FSTL5: variants seen among roughly 807,000 people sequenced by gnomAD.
FSTL5 encodes the protein follistatin-related protein 5.
Under a neutral mutation model 89.1 loss-of-function variants are expected in FSTL5, and 62 were observed. The observed-to-expected ratio is 0.70, with a 90% CI of 0.57 to 0.86. The LOEUF is 0.86. FSTL5 is among the 40% of genes least tolerant of loss of function. FSTL5 has a pLI of 0.00. For synonymous variants in FSTL5, 383 were observed against 346.2 expected (o/e 1.11, Z -1.18); for missense variants, 1,057 against 1,001.6 (o/e 1.06, Z -0.75).
chr4:161,890,252 T>A (rs1732943412), intron 4 of FSTL5, among the ~76,000 whole-genome samples: 1 of 152,130 alleles, frequency 6.6e-6, no homozygotes, highest in African/African-American at 2.4e-5. Flanking sequence ...GATTAAACGT[T>A]GGGTTGATGG....
intron 1 of FSTL5, among the ~76,000 whole-genome samples, chr4:162,128,863 A>C (rs780605568): frequency 2.0e-5 from 3 of 151,982 alleles, no homozygotes; most frequent in Non-Finnish European, 4.4e-5. Flanking sequence ...TATTGGTCAC[A>C]TATTGGCAGC....
chr4:161,921,514 T>C (rs1002623510), intron 3 of FSTL5, among the ~76,000 whole-genome samples: 8 of 152,092 alleles, frequency 5.3e-5, no homozygotes, highest in Non-Finnish European at 8.8e-5. Flanking sequence ...TAGATACACA[T>C]AGATATGTAT....
intron 1 of FSTL5, among the ~76,000 whole-genome samples, chr4:162,112,094 C>T (rs1731466648): frequency 6.6e-6 from 1 of 152,128 alleles, no homozygotes; most frequent in Non-Finnish European, 1.5e-5. Context: ...TGTATAAATA[C>T]TAAGTCCTTT....
At chr4:162,121,324 C>G (rs1392510875) in intron 1 of FSTL5, among the ~76,000 whole-genome samples, 2 of 151,826 alleles carry the variant, frequency 1.3e-5, no homozygotes, top group Non-Finnish European at 2.9e-5. Flanking sequence ...ACTAATATCT[C>G]AAATTTAGGT....
chr4:161,496,308 A>T (rs539136020), intron 12 of FSTL5, among the ~76,000 whole-genome samples: 1 of 152,268 alleles, frequency 6.6e-6, no homozygotes, highest in African/African-American at 2.4e-5. Context: ...TGGTTGATTT[A>T]TATGTCAGCA....
intron 15 of FSTL5, among the ~76,000 whole-genome samples, chr4:161,394,821 A>T (rs193163276): frequency 6.6e-6 from 1 of 152,284 alleles, no homozygotes; most frequent in Non-Finnish European, 1.5e-5. Flanking sequence ...GATATGTGCA[A>T]ATTAGGGAAA....
intron 8 of FSTL5, among the ~76,000 whole-genome samples, chr4:161,569,963 G>A (rs3922372): frequency 0.019 from 2,874 of 152,234 alleles, 84 homozygotes; most frequent in African/African-American, 0.065. Flanking sequence ...GAATGGATAC[G>A]TCAAAGCTTT....
chr4:161,620,664 A>G (rs1735090298), intron 7 of FSTL5, among the ~76,000 whole-genome samples: 1 of 152,098 alleles, frequency 6.6e-6, no homozygotes, highest in Non-Finnish European at 1.5e-5. Context: ...CTCAAAAACA[A>G]AAACAAAAAC....
chr4:161,929,685 G>GTGTGTGTGTGTGTGTGTGTGTATA (rs1734231696), intron 3 of FSTL5, among the ~76,000 whole-genome samples: 2 of 149,088 alleles, frequency 1.3e-5, no homozygotes, highest in African/African-American at 5.0e-5. Flanking sequence ...GTGTGTGTGT[G>GTGTGTGTGTGTGTGTGTGTGTATA]TGTGTGTGTG....
intron 13 of FSTL5, among the ~76,000 whole-genome samples, chr4:161,471,048 T>G (rs1733918066): frequency 1.3e-5 from 2 of 152,226 alleles, no homozygotes. Context: ...TTATTCCTTT[T>G]TAACTTGGAA....
intron 12 of FSTL5, among the ~76,000 whole-genome samples, chr4:161,486,172 A>G (rs1237090807): frequency 6.6e-6 from 1 of 151,254 alleles, no homozygotes; most frequent in Non-Finnish European, 1.5e-5. Context: ...AAAAGTAAAT[A>G]TCTGGTTCTC....
chr4:162,062,251 G>A (rs371204084), intron 2 of FSTL5, among the ~76,000 whole-genome samples: 6 of 151,784 alleles, frequency 4.0e-5, no homozygotes, highest in East Asian at 3.9e-4. Flanking sequence ...ACTCTTTTTC[G>A]TAGGATAGAT....
intron 7 of FSTL5, among the ~76,000 whole-genome samples, chr4:161,620,970 T>G (rs1735100411): frequency 6.9e-6 from 1 of 145,936 alleles, no homozygotes; most frequent in South Asian, 2.2e-4. Flanking sequence ...CCCTCTAGAA[T>G]AACACAAGTA....
chr4:161,497,656 G>A (rs956455195), intron 12 of FSTL5, among the ~76,000 whole-genome samples: 1 of 151,836 alleles, frequency 6.6e-6, no homozygotes, highest in Non-Finnish European at 1.5e-5. Flanking sequence ...ATCCTTGCAT[G>A]TATTTTTATG....
chr4:161,858,024 T>C (rs921317684), intron 4 of FSTL5, among the ~76,000 whole-genome samples: 12 of 152,182 alleles, frequency 7.9e-5, no homozygotes, highest in African/African-American at 2.7e-4. Flanking sequence ...AATTCATATG[T>C]TGAAAGCCTA....
At chr4:161,658,336 G>A (rs939219561) in intron 6 of FSTL5, among the ~76,000 whole-genome samples, 7 of 151,994 alleles carry the variant, frequency 4.6e-5, no homozygotes, top group African/African-American at 1.7e-4. Flanking sequence ...GCTCACGCCT[G>A]TAGTCCCTGC....
chr4:162,010,808 A>T (rs1299515190), intron 3 of FSTL5, among the ~76,000 whole-genome samples: 3 of 152,230 alleles, frequency 2.0e-5, no homozygotes, highest in Non-Finnish European at 4.4e-5. Context: ...ATACCATTGA[A>T]TTAATACACC....
intron 15 of FSTL5, among the ~76,000 whole-genome samples, chr4:161,447,077 A>G (rs1419122049): frequency 1.3e-5 from 2 of 152,104 alleles, no homozygotes; most frequent in Non-Finnish European, 2.9e-5. Context: ...ATGAGTTAGC[A>G]TAAGGACCTC....
At chr4:161,954,171 A>G (rs963400461) in intron 3 of FSTL5, among the ~76,000 whole-genome samples, 2 of 151,692 alleles carry the variant, frequency 1.3e-5, no homozygotes, top group Non-Finnish European at 3.0e-5. Flanking sequence ...AAGGATTTAA[A>G]TCACTAAGGG....
Sources: allele counts gnomAD v4.1 joint callset (sites outside exome capture counted in the v4.1 genomes callset), GRCh38; gene constraint gnomAD v4.1.1; transcripts MANE v1.5; gene names NCBI Gene and HGNC (gene_info 2026-07-23, HGNC 2026-07-21).